COL22A1: variants seen among roughly 807,000 people sequenced by gnomAD.
COL22A1 encodes the protein collagen type XXII alpha 1 chain.
Under a neutral mutation model 248.9 loss-of-function variants are expected in COL22A1, and 221 were observed. The observed-to-expected ratio is 0.89, with a 90% CI of 0.80 to 0.99. COL22A1 has a LOEUF of 0.99. Ranked by LOEUF, COL22A1 falls within the 50% of genes least tolerant of loss-of-function variation. COL22A1 has a pLI of 0.00. For synonymous variants in COL22A1, 891 were observed against 793.4 expected (o/e 1.12, Z -2.07); for missense variants, 2,240 against 2,179.0 (o/e 1.03, Z -0.56).
intron 35 of COL22A1, among the ~76,000 whole-genome samples, chr8:138,691,351 G>A (rs1036394761): frequency 2.9e-4 from 44 of 151,684 alleles, no homozygotes; most frequent in Non-Finnish European, 4.1e-4. Context: ...GTGTGTGCAC[G>A]TTTGTGGAGA....
intron 7 of COL22A1, among the ~76,000 whole-genome samples, chr8:138,815,109 C>T (rs1006410664): frequency 6.6e-6 from 1 of 152,162 alleles, no homozygotes; most frequent in Non-Finnish European, 1.5e-5. Flanking sequence ...GACTTTGCTC[C>T]TCATTCACCT....
intron 56 of COL22A1, among the ~76,000 whole-genome samples, chr8:138,613,206 C>G (rs1464451488): frequency 6.6e-6 from 1 of 150,874 alleles, no homozygotes; most frequent in Non-Finnish European, 1.5e-5. Flanking sequence ...GGAGATCACG[C>G]CAGTGCACTG....
chr8:138,875,858 G>A (rs1434359757), intron 3 of COL22A1, among the ~76,000 whole-genome samples: 1 of 152,206 alleles, frequency 6.6e-6, no homozygotes, highest in African/African-American at 2.4e-5. Context: ...CGTATGGGAA[G>A]TCCACAGCCA....
chr8:138,687,724 C>T (rs1826474964), intron 37 of COL22A1, among the ~76,000 whole-genome samples: 1 of 152,208 alleles, frequency 6.6e-6, no homozygotes, highest in Admixed American at 6.5e-5. Context: ...GCATCACCCT[C>T]ATTTTACAGA....
chr8:138,829,403 G>GTTT lies in COL22A1; in HGVS notation c.846-2625_846-2623dup, dbSNP rs765618552. 3.5e-3 allele frequency among the ~76,000 whole-genome samples: 315 copies of GTTT among 90,638 alleles called. 40 individuals carry two copies. The highest frequency in any genetic ancestry group is 0.011 in the African/African-American group (246 of 23,136). The allele number at this position is 90,638 out of a possible 152,430, so 59.5% of individuals were successfully genotyped here. A position where few individuals can be genotyped will look rare whatever the true frequency, so the allele number is the denominator to read the frequency against. The stretch of plus-strand genomic sequence containing the variant: ...CTTTTCTTTATTTCCTTCCTTTCCT[G>GTTT]TTTTTTTTTTTTTTTTTTTTTGAGA... On this transcript the variant is annotated intron_variant, in intron 5 of 64. Coordinates refer to ENST00000303045, the MANE Select transcript of COL22A1 (RefSeq NM_152888.3).
chr8:138,646,713 A>G (rs929258208), intron 46 of COL22A1, 31 bp from the exon 47 acceptor site: 2 of 1,507,768 alleles, frequency 1.3e-6, no homozygotes, highest in African/African-American at 2.8e-5. Context: ...AAAAAAAGAA[A>G]ACAAGAATGA....
At chr8:138,843,094 T>C (rs142204373) in intron 4 of COL22A1, among the ~76,000 whole-genome samples, 13 of 152,310 alleles carry the variant, frequency 8.5e-5, no homozygotes, top group Admixed American at 2.6e-4. Context: ...CAAGGGTCAC[T>C]GGTTAGGAGC....
At chr8:138,616,163 T>C in intron 54 of COL22A1, 109 bp from the exon 55 acceptor site, 3 of 899,466 alleles carry the variant, frequency 3.3e-6, no homozygotes, top group Non-Finnish European at 5.5e-6. Flanking sequence ...CCAGGGGCCC[T>C]GTCAACTTCC....
At chr8:138,686,198 G>A (rs754476683) in intron 37 of COL22A1, among the ~76,000 whole-genome samples, 11 of 152,228 alleles carry the variant, frequency 7.2e-5, no homozygotes, top group African/African-American at 2.7e-4. Flanking sequence ...GCAATGGAGA[G>A]AGCAAGAGAG....
At chr8:138,595,617 T>G (rs1337250758) in intron 62 of COL22A1, among the ~76,000 whole-genome samples, 2 of 152,098 alleles carry the variant, frequency 1.3e-5, no homozygotes, top group East Asian at 3.9e-4. Flanking sequence ...AACAGCCCTT[T>G]GCCCTCATTT....
chr8:138,833,094 C>T lies in COL22A1; in HGVS notation c.790G>A (p.Gly264Arg), dbSNP rs1276003060. ...ATCCGTACATAGGAACTCTGAGCTC[C>T]ATTCTCTCTCTTCCCCAAGATTTCC... ...VKEILGKREN[G>R]AQSSYVRMGS... Residue 264 changes from glycine (G) to arginine (R), a missense_variant, in exon 5 of 65, where the codon GGA becomes AGA. Physicochemically the swap from Gly to Arg is moderately radical, Grantham distance 125. Coordinates refer to ENST00000303045, the MANE Select transcript of COL22A1 (RefSeq NM_152888.3). 1.2e-6 allele frequency: 2 copies of T among 1,613,958 alleles called. No individual in the cohort carries two copies. The highest frequency in any genetic ancestry group is 2.7e-5 in the African/African-American group (2 of 74,942).
chr8:138,774,567 C>T (rs1399718469), intron 16 of COL22A1, among the ~76,000 whole-genome samples: 1 of 151,856 alleles, frequency 6.6e-6, no homozygotes, highest in African/African-American at 2.4e-5. Context: ...TACAGGCGCC[C>T]GCCACCAAGC....
intron 56 of COL22A1, among the ~76,000 whole-genome samples, chr8:138,608,411 G>A (rs140930960): frequency 6.6e-6 from 1 of 152,252 alleles, no homozygotes; most frequent in African/African-American, 2.4e-5. Flanking sequence ...TAGGAAGCAT[G>A]TCCATGCACT....
chr8:138,709,226 G>A (rs547512369), intron 30 of COL22A1, among the ~76,000 whole-genome samples: 1 of 152,324 alleles, frequency 6.6e-6, no homozygotes, highest in African/African-American at 2.4e-5. Context: ...GGAAGACAGT[G>A]TGGCGATTCC....
At chr8:138,717,245 T>G (rs2131104323) in intron 27 of COL22A1, among the ~76,000 whole-genome samples, 1 of 152,228 alleles carries the variant, frequency 6.6e-6, no homozygotes, top group South Asian at 2.1e-4. Flanking sequence ...CCTCCCGGGT[T>G]CACACCATTC....
intron 11 of COL22A1, among the ~76,000 whole-genome samples, chr8:138,798,992 C>T (rs561392955): frequency 1.4e-4 from 21 of 152,066 alleles, no homozygotes; most frequent in African/African-American, 4.8e-4. Flanking sequence ...CTTTATGAAC[C>T]CCTACATTTC....
chr8:138,744,425 G>A (rs1831941450), intron 22 of COL22A1, among the ~76,000 whole-genome samples: 1 of 151,838 alleles, frequency 6.6e-6, no homozygotes, highest in African/African-American at 2.4e-5. Context: ...TGCACAGCAA[G>A]GACAGTTAAC....
intron 53 of COL22A1, among the ~76,000 whole-genome samples, chr8:138,618,526 A>G (rs1188144603): frequency 1.3e-5 from 2 of 152,208 alleles, no homozygotes; most frequent in East Asian, 3.9e-4. Context: ...AATCCCCATA[A>G]GAGGTCGTAT....
At chr8:138,804,119 C>A (rs1817249061) in intron 10 of COL22A1, among the ~76,000 whole-genome samples, 1 of 152,166 alleles carries the variant, frequency 6.6e-6, no homozygotes, top group African/African-American at 2.4e-5. Flanking sequence ...GCCTATGAGT[C>A]CTGGGGACCA....
Sources: allele counts gnomAD v4.1 joint callset (sites outside exome capture counted in the v4.1 genomes callset), GRCh38; gene constraint gnomAD v4.1.1; transcripts MANE v1.5; gene names NCBI Gene and HGNC (gene_info 2026-07-23, HGNC 2026-07-21).